The following ANK3 variants were observed in gnomAD, a reference collection of about 807,000 sequenced individuals.
ANK3 encodes the protein ankyrin 3.
A neutral mutation model predicts 370.9 loss-of-function variants in ANK3; 57 were observed. The ratio of observed to expected loss-of-function variants is 0.15; its 90% CI spans 0.12 to 0.19. The LOEUF (loss-of-function observed/expected upper bound fraction) is 0.19. Ranked by LOEUF, ANK3 falls within the 10% of genes least tolerant of loss-of-function variation. ANK3 has a pLI of 1.00. For missense variants in ANK3, 4,439 were observed against 5,302.1 expected (o/e 0.84, Z 5.06); for synonymous variants, 1,929 against 1,946.3 (o/e 0.99, Z 0.23).
chr10:60,139,182 C>A, intron 23 of ANK3, 95 bp from the exon 24 acceptor site: 1 of 1,449,548 alleles, frequency 6.9e-7, no homozygotes, highest in Non-Finnish European at 9.4e-7. Context: ...GCAAATCCCC[C>A]AATATCTCAT....
chr10:60,227,657 T>C (rs962596642), intron 8 of ANK3, among the ~76,000 whole-genome samples: 2 of 152,168 alleles, frequency 1.3e-5, no homozygotes, highest in African/African-American at 4.8e-5. Flanking sequence ...ATGACTTGTG[T>C]TCAAGTCCTC....
At chr10:60,140,337 A>G (rs1237617127) in intron 23 of ANK3, 4 of 1,613,596 alleles carry the variant, frequency 2.5e-6, no homozygotes, top group Non-Finnish European at 3.4e-6. Flanking sequence ...ACCAAGTACA[A>G]CTCAAAGATC....
At chr10:60,572,633 G>A (rs554216519) in intron 2 of ANK3, 7 of 1,480,566 alleles carry the variant, frequency 4.7e-6, no homozygotes, top group Non-Finnish European at 6.2e-6. Flanking sequence ...GTCCATTTAC[G>A]GGTGCTCCCC....
At chr10:60,477,679 A>G (rs1388472373) in intron 2 of ANK3, among the ~76,000 whole-genome samples, 1 of 152,126 alleles carries the variant, frequency 6.6e-6, no homozygotes, top group Admixed American at 6.6e-5. Context: ...AAATGAATAA[A>G]TAAAAATACA....
At chr10:60,198,648 T>C in intron 13 of ANK3, 111 bp from the exon 14 acceptor site, 1 of 935,542 alleles carries the variant, frequency 1.1e-6, no homozygotes, top group Non-Finnish European at 1.7e-6. Flanking sequence ...ATCAACTTTT[T>C]GAGTCAATGC....
chr10:60,523,089 A>G (rs1185016121), intron 2 of ANK3, among the ~76,000 whole-genome samples: 3 of 152,102 alleles, frequency 2.0e-5, no homozygotes, highest in Admixed American at 2.0e-4. Flanking sequence ...TCCATTAAAA[A>G]GATATCAAGT....
At chr10:60,622,775 T>C (rs557365380) in intron 1 of ANK3, among the ~76,000 whole-genome samples, 7 of 152,122 alleles carry the variant, frequency 4.6e-5, no homozygotes, top group African/African-American at 1.4e-4. Context: ...GGAGAGAGCA[T>C]AGATCTGAAG....
chr10:60,445,547 T>TAA (rs879406291), intron 2 of ANK3, among the ~76,000 whole-genome samples: 20 of 139,586 alleles, frequency 1.4e-4, no homozygotes, highest in African/African-American at 5.0e-4. Flanking sequence ...TATCTTCTAC[T>TAA]AAAAAAAAAA....
intron 25 of ANK3, among the ~76,000 whole-genome samples, chr10:60,128,000 T>C (rs2093857527): frequency 6.6e-6 from 1 of 152,090 alleles, no homozygotes; most frequent in South Asian, 2.1e-4. Flanking sequence ...CCCGGCCAGT[T>C]CTTCATACTT....
rs74777864 is a variant in ANK3 at position 60,026,633 on chromosome 10, T to C, written c.*3213A>G. 6.6e-6 allele frequency: 1 copy of C among 152,172 alleles called. No individual in the cohort carries two copies. Among genetic ancestry groups the C allele is most frequent in the Non-Finnish European group, 1.5e-5 (1 of 68,028 alleles). The allele number at this position is 152,172 out of a possible 1,614,324, so 9.4% of individuals were successfully genotyped here. A position where few individuals can be genotyped will look rare whatever the true frequency, so the allele number is the denominator to read the frequency against. Reference sequence around the variant, plus strand: ...GATGGAACTCCAGGATGATACCAAATGAACAGCGAGGAACATCAGGATGCC... The same window carrying C: ...GATGGAACTCCAGGATGATACCAAACGAACAGCGAGGAACATCAGGATGCC... On this transcript the variant is annotated 3_prime_UTR_variant, in exon 44 of 44. Coordinates refer to ENST00000280772, the MANE Select transcript of ANK3 (RefSeq NM_020987.5).
At chr10:60,440,433 G>A (rs771708229) in intron 2 of ANK3, among the ~76,000 whole-genome samples, 4 of 152,176 alleles carry the variant, frequency 2.6e-5, no homozygotes, top group African/African-American at 7.2e-5. Context: ...AGAGAAGAAT[G>A]AGCAAGAGTT....
chr10:60,389,610 A>G lies in ANK3; in HGVS notation c.-72T>C. On this transcript the variant is annotated 5_prime_UTR_variant, in exon 1 of 44. Transcript: ENST00000280772. ...AAGGTGATATCCTCAGGCACCTCTA[A>G]TCAGGCTTACAGCAGCATTCCAATC... is the stretch of plus-strand genomic sequence containing the variant. The G allele has an allele frequency of 1.3e-6, 2 of 1,589,614 alleles. No homozygotes were observed. The highest frequency in any genetic ancestry group is 2.2e-5 in the East Asian group (1 of 44,646).
chr10:60,501,118 T>C (rs538151601), intron 2 of ANK3, among the ~76,000 whole-genome samples: 1 of 152,066 alleles, frequency 6.6e-6, no homozygotes. Context: ...TAACAACAGG[T>C]AAATTCTCTG....
chr10:60,105,852 C>T, intron 28 of ANK3, 53 bp downstream of exon 28: 1 of 1,523,652 alleles, frequency 6.6e-7, no homozygotes, highest in South Asian at 1.3e-5. Flanking sequence ...TCTAGTCATT[C>T]CTTTAATTTC....
chr10:60,490,727 G>A (rs73257067), intron 2 of ANK3, among the ~76,000 whole-genome samples: 19,817 of 151,936 alleles, frequency 0.13, 1,506 homozygotes, highest in African/African-American at 0.21. Context: ...TTCTATCTTG[G>A]AAAAAAATTC....
chr10:60,424,172 C>A (rs143982075), intron 2 of ANK3, among the ~76,000 whole-genome samples: 1 of 151,920 alleles, frequency 6.6e-6, no homozygotes. Flanking sequence ...GGTGACCACA[C>A]ATCCTGGTTT....
At chr10:60,664,203 T>C (rs555457849) in intron 1 of ANK3, among the ~76,000 whole-genome samples, 123 of 152,334 alleles carry the variant, frequency 8.1e-4, no homozygotes, top group African/African-American at 2.9e-3. Context: ...TTCGGATGAA[T>C]AAAGAAGAAG....
At chr10:60,698,702 T>G (rs2079501651) in intron 1 of ANK3, among the ~76,000 whole-genome samples, 1 of 123,016 alleles carries the variant, frequency 8.1e-6, no homozygotes, top group Non-Finnish European at 1.6e-5. Flanking sequence ...AATTGAACAA[T>G]GAGATCACAT....
intron 2 of ANK3, among the ~76,000 whole-genome samples, chr10:60,509,090 T>C (rs1177398514): frequency 6.6e-6 from 1 of 152,096 alleles, no homozygotes; most frequent in Non-Finnish European, 1.5e-5. Flanking sequence ...AAGCCGTAAA[T>C]AGAGCAGCAA....
Sources: allele counts gnomAD v4.1 joint callset (sites outside exome capture counted in the v4.1 genomes callset), GRCh38; gene constraint gnomAD v4.1.1; transcripts MANE v1.5; gene names NCBI Gene and HGNC (gene_info 2026-07-23, HGNC 2026-07-21).